DGLUCY: variants seen among roughly 807,000 people sequenced by gnomAD.
DGLUCY encodes the protein D-glutamate cyclase, mitochondrial.
A neutral mutation model predicts 58.5 loss-of-function variants in DGLUCY; 58 were observed. The observed-to-expected ratio is 0.99, with a 90% CI of 0.80 to 1.23. DGLUCY has a LOEUF of 1.23. Among genes scored for constraint, DGLUCY ranks in the 50% most tolerant of loss-of-function variants. The pLI, the probability that DGLUCY is intolerant of heterozygous loss-of-function variation, is 0.00. For missense variants in DGLUCY, 779 were observed against 784.7 expected, an observed-to-expected ratio of 0.99 and a Z score of 0.09; for synonymous variants, 325 against 314.1, an observed-to-expected ratio of 1.03 and a Z score of -0.37.
At chr14:91,182,776 C>CTTGTATA (rs1254231718) in intron 8 of DGLUCY, among the ~76,000 whole-genome samples, 1 of 152,156 alleles carries the variant, frequency 6.6e-6, no homozygotes, top group African/African-American at 2.4e-5. Context: ...TTGCAGTCAA[C>CTTGTATA]TTGTATATTG....
chr14:91,170,595 G>A (rs952591659), intron 5 of DGLUCY, among the ~76,000 whole-genome samples: 2 of 152,154 alleles, frequency 1.3e-5, no homozygotes, highest in African/African-American at 2.4e-5. Flanking sequence ...GCAGAGCCTC[G>A]GCCAGGCAGT....
At chr14:91,142,215 A>T (rs2046737811) in intron 1 of DGLUCY, among the ~76,000 whole-genome samples, 1 of 152,150 alleles carries the variant, frequency 6.6e-6, no homozygotes, top group Non-Finnish European at 1.5e-5. Context: ...GTCTATATTT[A>T]TCTGACTCTA....
chr14:91,166,131 G>A (rs10144735), intron 3 of DGLUCY, among the ~76,000 whole-genome samples: 6,228 of 152,294 alleles, frequency 0.041, 454 homozygotes, highest in African/African-American at 0.14. Context: ...GGCAAAAGTC[G>A]TATGTGGTGC....
At chr14:91,113,619 C>T (rs1160998629), upstream of DGLUCY, among the ~76,000 whole-genome samples, 1 of 152,178 alleles carries the variant, frequency 6.6e-6, no homozygotes, top group East Asian at 1.9e-4. Context: ...CAAAACATCA[C>T]CCTTGCTATT....
rs1445666020 is a variant in DGLUCY at position 91,199,916 on chromosome 14, A to C, written c.1444+11A>C. On this transcript the variant is annotated intron_variant, in intron 11 of 13. Transcript: ENST00000256324. ...GAATCTCATCAACTGGTAAGTATGG[A>C]GTACTGGGGATGCACCAAGAACGTG... is the stretch of plus-strand genomic sequence containing the variant. 1 of 1,613,930 alleles carries C rather than the reference A, an allele frequency of 6.2e-7. No homozygotes were observed. Among genetic ancestry groups the C allele is most frequent in the African/African-American group, 1.3e-5 (1 of 74,922 alleles).
chr14:91,083,349 C>G (rs949764821), intron 1 of DGLUCY, among the ~76,000 whole-genome samples: 2 of 151,984 alleles, frequency 1.3e-5, no homozygotes, highest in South Asian at 4.1e-4. Context: ...TGGTGAAACA[C>G]CATTTATACT....
intron 1 of DGLUCY, among the ~76,000 whole-genome samples, chr14:91,140,775 A>G (rs796519778): frequency 4.6e-5 from 7 of 152,336 alleles, no homozygotes; most frequent in African/African-American, 1.7e-4. Context: ...CAGATCTGCC[A>G]TCTTTTGAAA....
rs550383500 is a variant in DGLUCY at position 91,182,026 on chromosome 14, G to A, written c.934+637G>A. 2.6e-3 allele frequency among the ~76,000 whole-genome samples: 391 copies of A among 151,218 alleles called. 2 individuals are homozygous for A. Among genetic ancestry groups the A allele is most frequent in the African/African-American group, 9.2e-3 (377 of 40,810 alleles). On this transcript the variant is annotated intron_variant, in intron 8 of 13. Transcript: ENST00000256324. ...GATGGAGTCTCACTCTGTTGCCCAG[G>A]CTGGAGTGTGGTGGTGCAATCTCAA...
chr14:91,101,434 A>G (rs2044484850), intron 1 of DGLUCY, among the ~76,000 whole-genome samples: 1 of 152,198 alleles, frequency 6.6e-6, no homozygotes, highest in Non-Finnish European at 1.5e-5. Context: ...GTGTGAGGTT[A>G]GGCCACCTCT....
intron 1 of DGLUCY, among the ~76,000 whole-genome samples, chr14:91,069,431 A>G (rs1184500948): frequency 3.3e-5 from 5 of 151,662 alleles, no homozygotes; most frequent in African/African-American, 1.2e-4. Context: ...GCCCACCACC[A>G]TGCCCAGCTA....
At chr14:91,097,826 A>G (rs2044422026) in intron 1 of DGLUCY, among the ~76,000 whole-genome samples, 2 of 152,172 alleles carry the variant, frequency 1.3e-5, no homozygotes, top group South Asian at 4.1e-4. Context: ...GGCGTGTGCC[A>G]CCACGCCCAG....
intron 12 of DGLUCY, among the ~76,000 whole-genome samples, chr14:91,207,177 A>AAAAAAG (rs1555406262): frequency 6.8e-6 from 1 of 147,978 alleles, no homozygotes; most frequent in South Asian, 2.1e-4. Flanking sequence ...AAAAAAAAAA[A>AAAAAAG]GAGGAAGTAG....
In DGLUCY at chr14:91,205,846, T is replaced by C. The variant is rs1340485092; in HGVS notation, c.1564+1021T>C. Among the ~76,000 whole-genome samples, 130 of 126,324 alleles carry C rather than the reference T, an allele frequency of 1.0e-3. 2 individuals are homozygous for C. The highest frequency in any genetic ancestry group is 3.6e-3 in the Middle Eastern group (1 of 274). The allele number at this position is 126,324 out of a possible 152,430, so 82.9% of individuals were successfully genotyped here. A position where few individuals can be genotyped will look rare whatever the true frequency, so the allele number is the denominator to read the frequency against. On this transcript the variant is annotated intron_variant, in intron 12 of 13. Coordinates refer to ENST00000256324, the MANE Select transcript of DGLUCY (RefSeq NM_001102368.3). Reference sequence around the variant, plus strand: ...CCTCCTCCCTTTCTTCTTCTTCTTTTTTTTTTTTTTTTTTTTTTTGAGCGT... The same window carrying C: ...CCTCCTCCCTTTCTTCTTCTTCTTTCTTTTTTTTTTTTTTTTTTTGAGCGT...
At chr14:91,071,955 G>A (rs1358330518) in intron 1 of DGLUCY, among the ~76,000 whole-genome samples, 1 of 151,928 alleles carries the variant, frequency 6.6e-6, no homozygotes, top group East Asian at 1.9e-4. Context: ...GGAAGTGAGG[G>A]GAAAGGGCAG....
intron 8 of DGLUCY, among the ~76,000 whole-genome samples, chr14:91,188,305 G>A (rs984246060): frequency 3.3e-5 from 5 of 152,130 alleles, no homozygotes; most frequent in Admixed American, 2.0e-4. Context: ...GGTGGCATGC[G>A]TCACTTCCAT....
chr14:91,128,082 A>G (rs1484474998), intron 1 of DGLUCY, among the ~76,000 whole-genome samples: 1 of 152,030 alleles, frequency 6.6e-6, no homozygotes, highest in Admixed American at 6.6e-5. Flanking sequence ...ACCCACCTCA[A>G]CACAGCAAAT....
intron 1 of DGLUCY, among the ~76,000 whole-genome samples, chr14:91,127,122 G>T (rs2045752035): frequency 7.5e-6 from 1 of 133,144 alleles, no homozygotes; most frequent in South Asian, 2.4e-4. Context: ...AGTGGCACAA[G>T]TATGGCTCAC....
chr14:91,137,029 C>T (rs950110990), intron 1 of DGLUCY, among the ~76,000 whole-genome samples: 94 of 151,736 alleles, frequency 6.2e-4, no homozygotes, highest in Middle Eastern at 3.4e-3. Flanking sequence ...TGCTTAGGTT[C>T]GCTGAAAAAT....
upstream of DGLUCY, among the ~76,000 whole-genome samples, chr14:91,104,278 A>G (rs1050211160): frequency 2.6e-5 from 4 of 151,584 alleles, no homozygotes; most frequent in Admixed American, 6.6e-5. Flanking sequence ...TAGCCAGGAT[A>G]GTCTCGATCT....
Sources: gnomAD v4.1 joint callset for allele counts (sites outside exome capture counted in the v4.1 genomes callset) on GRCh38, gnomAD v4.1.1 for gene constraint, MANE v1.5 for transcripts, NCBI Gene and HGNC (gene_info 2026-07-23, HGNC 2026-07-21) for gene names.